Variants in CSMD3 observed in about 807,000 individuals in gnomAD.
CSMD3 encodes CUB and sushi domain-containing protein 3.
A neutral mutation model predicts 435.2 loss-of-function variants in CSMD3; 177 were observed. The ratio of observed to expected loss-of-function variants is 0.41; its 90% confidence interval spans 0.36 to 0.46. The LOEUF (loss-of-function observed/expected upper bound fraction) is 0.46. Ranked by LOEUF, CSMD3 falls within the 20% of genes least tolerant of loss-of-function variation. The pLI, the probability that CSMD3 is intolerant of heterozygous loss-of-function variation, is 0.34. For synonymous variants in CSMD3, 1,656 were observed against 1,520.5 expected, an observed-to-expected ratio of 1.09 and a Z score of -2.07; for missense variants, 4,265 against 4,504.6, an observed-to-expected ratio of 0.95 and a Z score of 1.52.
chr8:112,593,370 G>T (rs1203611309), intron 22 of CSMD3, among the ~76,000 whole-genome samples: 1 of 152,310 alleles, frequency 6.6e-6, no homozygotes, highest in East Asian at 1.9e-4. Context: ...AATGGAGGAA[G>T]AGGAGATGCC....
intron 22 of CSMD3, among the ~76,000 whole-genome samples, chr8:112,608,531 T>A (rs564468795): frequency 1.1e-4 from 17 of 151,858 alleles, no homozygotes; most frequent in Admixed American, 1.1e-3. Flanking sequence ...TTTCAAATTA[T>A]TACAAAACAA....
chr8:112,533,272 T>C (rs185142891), intron 27 of CSMD3, among the ~76,000 whole-genome samples: 1 of 152,164 alleles, frequency 6.6e-6, no homozygotes, highest in East Asian at 1.9e-4. Flanking sequence ...AGTCCTTATC[T>C]ATCAATAATG....
intron 45 of CSMD3, among the ~76,000 whole-genome samples, chr8:112,330,685 T>C (rs1823958011): frequency 6.6e-6 from 1 of 152,072 alleles, no homozygotes; most frequent in Admixed American, 6.6e-5. Context: ...AGCTTAAAGC[T>C]TCAAGTTATA....
At chr8:112,717,542 C>T (rs1350453728) in intron 13 of CSMD3, among the ~76,000 whole-genome samples, 3 of 152,102 alleles carry the variant, frequency 2.0e-5, no homozygotes, top group Non-Finnish European at 4.4e-5. Context: ...TACCATTTGA[C>T]CCAGCAATCC....
chr8:112,271,225 T>C (rs1817502368), intron 59 of CSMD3, among the ~76,000 whole-genome samples: 1 of 152,198 alleles, frequency 6.6e-6, no homozygotes, highest in South Asian at 2.1e-4. Context: ...GACAAAAATA[T>C]CATTGATAAC....
intron 11 of CSMD3, among the ~76,000 whole-genome samples, chr8:112,833,690 ATGTGTGTG>A (rs34246089): frequency 1.3e-5 from 2 of 149,148 alleles, no homozygotes; most frequent in African/African-American, 4.9e-5. Context: ...ATATGTGTGT[ATGTGTGTG>A]TGTGTGTGTG....
chr8:112,918,913 A>G (rs1400409212), intron 10 of CSMD3, among the ~76,000 whole-genome samples: 1 of 151,882 alleles, frequency 6.6e-6, no homozygotes, highest in African/African-American at 2.4e-5. Flanking sequence ...GAAAAAGCAT[A>G]TTTATTCTGT....
chr8:112,370,027 GAAGAAGAA>G, intron 38 of CSMD3, among the ~76,000 whole-genome samples: 1 of 49,872 alleles, frequency 2.0e-5, no homozygotes, highest in South Asian at 1.2e-3. Context: ...AGAAGAGGAA[GAAGAAGAA>G]GAAGAAGAAG....
intron 3 of CSMD3, among the ~76,000 whole-genome samples, chr8:113,209,562 T>C (rs931008331): frequency 2.0e-5 from 3 of 152,166 alleles, no homozygotes; most frequent in Admixed American, 6.6e-5. Flanking sequence ...AAATGTAACA[T>C]AATTCTTACT....
intron 65 of CSMD3, among the ~76,000 whole-genome samples, chr8:112,243,257 A>G (rs1471848541): frequency 6.6e-6 from 1 of 152,130 alleles, no homozygotes; most frequent in Non-Finnish European, 1.5e-5. Flanking sequence ...AGAAAGAAAA[A>G]TAGCAGAGGA....
At chr8:113,344,838 G>A (rs2094141735) in intron 1 of CSMD3, among the ~76,000 whole-genome samples, 1 of 151,956 alleles carries the variant, frequency 6.6e-6, no homozygotes, top group African/African-American at 2.4e-5. Flanking sequence ...GAGCTAGAAA[G>A]TGCATGTTAA....
At chr8:113,117,080 A>G (rs2090852628) in intron 4 of CSMD3, among the ~76,000 whole-genome samples, 2 of 152,254 alleles carry the variant, frequency 1.3e-5, no homozygotes, top group Admixed American at 6.5e-5. Context: ...AGAAATCTGC[A>G]CAATTAACAA....
chr8:113,214,470 G>A (rs10505202), intron 3 of CSMD3, among the ~76,000 whole-genome samples: 21,158 of 151,818 alleles, frequency 0.14, 2,679 homozygotes, highest in African/African-American at 0.33. Context: ...AATCTATAAG[G>A]ATCACAATTT....
At chr8:112,813,262 G>T (rs928753699) in intron 12 of CSMD3, among the ~76,000 whole-genome samples, 31 of 152,238 alleles carry the variant, frequency 2.0e-4, no homozygotes, top group Admixed American at 7.9e-4. Context: ...TAGATTATGT[G>T]ATTGCCTTTT....
At position 112,336,715 on chromosome 8, in the gene CSMD3, T is replaced by G; in HGVS notation, c.6956A>C (p.Asn2319Thr). ...CFWLVRVPPG[N>T]GIYINFTVLQ... ...GACAGTAAAATTGATGTAGATGCCATTCCCAGGGGGTACTCTTACAAGCCA... is the reference window on the plus strand; with the variant it reads ...GACAGTAAAATTGATGTAGATGCCAGTCCCAGGGGGTACTCTTACAAGCCA... Residue 2319 changes from asparagine (N) to threonine (T), a missense_variant, in exon 44 of 71, where the codon AAT becomes ACT. Transcript: ENST00000297405. The G allele has an allele frequency of 6.2e-7, 1 of 1,613,398 alleles. No individual in the cohort carries two copies. Among genetic ancestry groups the G allele is most frequent in the Non-Finnish European group, 8.5e-7 (1 of 1,179,464 alleles).
intron 1 of CSMD3, among the ~76,000 whole-genome samples, chr8:113,341,685 CTTA>C (rs1389034721): frequency 6.6e-6 from 1 of 151,940 alleles, no homozygotes; most frequent in African/African-American, 2.4e-5. Context: ...AGGAGTTAAA[CTTA>C]TTATTTGACA....
intron 1 of CSMD3, among the ~76,000 whole-genome samples, chr8:113,399,948 G>GTATATATATATATATATGTATACGTA (rs34785769): frequency 6.7e-6 from 1 of 148,926 alleles, no homozygotes; most frequent in Non-Finnish European, 1.5e-5. Context: ...TCTATTCTGT[G>GTATATATATATATATATGTATACGTA]TATATATATA....
chr8:112,594,899 A>G (rs892207748), intron 22 of CSMD3, among the ~76,000 whole-genome samples: 1 of 151,614 alleles, frequency 6.6e-6, no homozygotes, highest in South Asian at 2.1e-4. Flanking sequence ...AGTAGATAAA[A>G]CCACAAAGAT....
chr8:112,976,284 C>T (rs778712033), intron 6 of CSMD3, 136 bp from the exon 7 acceptor site: 49 of 1,000,082 alleles, frequency 4.9e-5, no homozygotes, highest in Non-Finnish European at 6.7e-5. Flanking sequence ...CACAAACACG[C>T]GAGTAAATTG....
Sources: allele counts gnomAD v4.1 joint callset (sites outside exome capture counted in the v4.1 genomes callset), GRCh38; gene constraint gnomAD v4.1.1; transcripts MANE v1.5; gene names NCBI Gene and HGNC (gene_info 2026-07-23, HGNC 2026-07-21).